Variants in CADM2 observed in about 807,000 individuals in gnomAD.
The protein encoded by CADM2 is immunoglobulin superfamily member 4D.
A neutral mutation model predicts 49.8 loss-of-function variants in CADM2; 12 were observed. The ratio of observed to expected loss-of-function variants is 0.24; its 90% CI spans 0.15 to 0.39. The LOEUF is 0.39. Among genes scored for constraint, CADM2 ranks in the 10% least tolerant of loss-of-function variants. CADM2 has a pLI of 1.00. For synonymous variants in CADM2, 214 were observed against 175.4 expected (o/e 1.22, Z -1.74); for missense variants, 378 against 492.3 (o/e 0.77, Z 2.20).
intron 1 of CADM2, among the ~76,000 whole-genome samples, chr3:85,180,219 A>G (rs2040894999): frequency 6.6e-6 from 1 of 152,148 alleles, no homozygotes; most frequent in African/African-American, 2.4e-5. Context: ...AGGTTAAAAA[A>G]GGGGAAAAAG....
At chr3:85,408,306 T>A (rs2035495411) in intron 1 of CADM2, among the ~76,000 whole-genome samples, 1 of 152,138 alleles carries the variant, frequency 6.6e-6, no homozygotes, top group African/African-American at 2.4e-5. Context: ...GACTAAAAAA[T>A]AAGTGTCCAA....
At chr3:85,761,796 T>C (rs2069396712) in intron 2 of CADM2, among the ~76,000 whole-genome samples, 1 of 152,202 alleles carries the variant, frequency 6.6e-6, no homozygotes, top group Admixed American at 6.5e-5. Context: ...GTCTTTCATA[T>C]AAAGCAGGCT....
intron 3 of CADM2, among the ~76,000 whole-genome samples, chr3:85,860,865 CA>C (rs1012536764): frequency 2.0e-5 from 3 of 152,048 alleles, no homozygotes; most frequent in African/African-American, 7.2e-5. Context: ...TGTGGATTAT[CA>C]GGGGTGAAAG....
At chr3:86,059,316 A>C (rs1469520088) in intron 8 of CADM2, among the ~76,000 whole-genome samples, 1 of 152,144 alleles carries the variant, frequency 6.6e-6, no homozygotes, top group East Asian at 1.9e-4. Flanking sequence ...TTAAGATTTT[A>C]AGTAAAACTA....
chr3:85,086,866 TA>T (rs1199633302), intron 1 of CADM2, among the ~76,000 whole-genome samples: 1 of 152,140 alleles, frequency 6.6e-6, no homozygotes, highest in African/African-American at 2.4e-5. Context: ...GTCAGATATT[TA>T]TTAGCACTTT....
intron 5 of CADM2, among the ~76,000 whole-genome samples, chr3:85,893,545 C>G (rs546314613): frequency 4.6e-5 from 7 of 152,284 alleles, no homozygotes; most frequent in Admixed American, 4.6e-4. Context: ...AAACTACCAT[C>G]AGAGTGAACA....
At chr3:85,616,722 T>C (rs555682542) in intron 1 of CADM2, among the ~76,000 whole-genome samples, 29 of 152,330 alleles carry the variant, frequency 1.9e-4, no homozygotes, top group Non-Finnish European at 3.2e-4. Flanking sequence ...GTCATTTTAA[T>C]AAGACTTTAA....
At chr3:85,983,800 TATC>T (rs1727756926) in intron 8 of CADM2, among the ~76,000 whole-genome samples, 1 of 151,062 alleles carries the variant, frequency 6.6e-6, no homozygotes, top group Non-Finnish European at 1.5e-5. Context: ...TCTACCTATC[TATC>T]TATCTATCTA....
Position 84,972,141 on chromosome 3 carries a change from G to C in CADM2, c.61+12473G>C, listed in dbSNP as rs72917438. The stretch of plus-strand genomic sequence containing the variant: ...GCCGTGTCACGGTCTCACTGGCCTT[G>C]AGCAAGTTACTTCTCTTGTAGCTTA... On this transcript the variant is annotated intron_variant, in intron 1 of 9. Transcript: ENST00000383699. Among the ~76,000 whole-genome samples the C allele has an allele frequency of 8.1e-3, 1,237 of 152,340 alleles. 13 individuals are homozygous for C. The highest frequency in any genetic ancestry group is 0.028 in the African/African-American group (1,160 of 41,588).
In CADM2 at chr3:85,233,465, C is replaced by G. The variant is rs927612480; in HGVS notation, c.61+273797C>G. Among the ~76,000 whole-genome samples, 4 of 152,140 alleles carry G rather than the reference C, an allele frequency of 2.6e-5. 1 individual carries two copies. On this transcript the variant is annotated intron_variant, in intron 1 of 9. Coordinates refer to ENST00000383699, the MANE Select transcript of CADM2 (RefSeq NM_001167675.2). The stretch of plus-strand genomic sequence containing the variant: ...TAATGCAAAATGTTAATAAGGGAAA[C>G]TATGTGAGGGGAGGTGGATTATATG...
intron 3 of CADM2, among the ~76,000 whole-genome samples, chr3:85,865,620 T>C (rs1042070907): frequency 2.6e-5 from 4 of 152,218 alleles, no homozygotes; most frequent in Admixed American, 1.3e-4. Flanking sequence ...GGAAAAAAAG[T>C]TTATTTCTGC....
At chr3:86,059,770 G>T (rs1428142067) in intron 8 of CADM2, among the ~76,000 whole-genome samples, 2 of 152,066 alleles carry the variant, frequency 1.3e-5, no homozygotes, top group Non-Finnish European at 2.9e-5. Flanking sequence ...TTTAAATTAT[G>T]TACTCTTCCT....
At chr3:85,433,810 G>A (rs1445648871) in intron 1 of CADM2, among the ~76,000 whole-genome samples, 1 of 152,066 alleles carries the variant, frequency 6.6e-6, no homozygotes, top group Non-Finnish European at 1.5e-5. Flanking sequence ...TGAATCAAAA[G>A]AGAACTTCCA....
intron 1 of CADM2, among the ~76,000 whole-genome samples, chr3:85,026,237 CT>C (rs2107308591): frequency 6.6e-6 from 1 of 152,190 alleles, no homozygotes; most frequent in African/African-American, 2.4e-5. Flanking sequence ...ATATTTTGCA[CT>C]AATTTCCATT....
At chr3:84,960,020 C>T in intron 1 of CADM2, 1 of 389,900 alleles carries the variant, frequency 2.6e-6, no homozygotes, top group Non-Finnish European at 4.7e-6. Context: ...CGACAACCCC[C>T]ACCAGCCACC....
intron 1 of CADM2, among the ~76,000 whole-genome samples, chr3:84,971,487 A>C (rs2031429772): frequency 6.6e-6 from 1 of 152,138 alleles, no homozygotes; most frequent in Non-Finnish European, 1.5e-5. Context: ...CCATTTAGTA[A>C]CTCCATTTCT....
chr3:85,152,169 C>T (rs1160569985), intron 1 of CADM2, among the ~76,000 whole-genome samples: 1 of 152,070 alleles, frequency 6.6e-6, no homozygotes, highest in Admixed American at 6.6e-5. Context: ...TTTTTCCTAC[C>T]AGTCAGTGTA....
intron 1 of CADM2, among the ~76,000 whole-genome samples, chr3:85,459,262 C>G (rs908712634): frequency 6.6e-6 from 1 of 151,958 alleles, no homozygotes; most frequent in Non-Finnish European, 1.5e-5. Flanking sequence ...ATGACATTGT[C>G]CAAAACCAAA....
chr3:85,024,434 A>C (rs186350135), intron 1 of CADM2, among the ~76,000 whole-genome samples: 1 of 152,186 alleles, frequency 6.6e-6, no homozygotes. Context: ...TCCCTTAACC[A>C]TTATCCTATG....
Sources: allele counts gnomAD v4.1 joint callset (sites outside exome capture counted in the v4.1 genomes callset), GRCh38; gene constraint gnomAD v4.1.1; transcripts MANE v1.5; gene names NCBI Gene and HGNC (gene_info 2026-07-23, HGNC 2026-07-21).